The following PROCR variants were observed in gnomAD, a reference collection of about 807,000 sequenced individuals.
PROCR encodes endothelial protein C receptor.
In PROCR, 22 loss-of-function variants were observed where a neutral mutation model predicts 24.2. The ratio of observed to expected loss-of-function variants is 0.91; its 90% CI spans 0.65 to 1.30. PROCR has a LOEUF of 1.30. Among genes scored for constraint, PROCR ranks in the 50% most tolerant of loss-of-function variants. PROCR has a pLI of 0.00. For synonymous variants in PROCR, 137 were observed against 139.2 expected, an observed-to-expected ratio of 0.98 and a Z score of 0.11; for missense variants, 288 against 307.7, an observed-to-expected ratio of 0.94 and a Z score of 0.48.
rs2086013547 is a variant in PROCR, at chr20:35,176,112, C to G, written c.323-56C>G. On this transcript the variant is annotated intron_variant, in intron 2 of 3. Transcript: ENST00000216968. Reference sequence around the variant, plus strand: ...GTTCTTTTCCCCTTGGTGGGCCTCGCCCCACACCTGGCACCCTCTCTGCAC... The same window carrying G: ...GTTCTTTTCCCCTTGGTGGGCCTCGGCCCACACCTGGCACCCTCTCTGCAC... The G allele has an allele frequency of 1.1e-5, 17 of 1,569,236 alleles. No homozygotes were observed. The South Asian group carries it at 1.8e-4, about 16-fold the overall frequency.
At chr20:35,195,281 GAAAA>G (rs951831483) in intron 1 of PROCR, 1 of 152,058 alleles carries the variant, frequency 6.6e-6, no homozygotes, top group African/African-American at 2.4e-5. Context: ...AGATCATAGA[GAAAA>G]AAATATTTTA....
upstream of PROCR, chr20:35,172,050 C>T: frequency 9.8e-7 from 1 of 1,024,858 alleles, no homozygotes; most frequent in South Asian, 1.3e-5. Context: ...TGCCCAGACT[C>T]CGCCCCTCCC....
chr20:35,175,513 C>T lies in PROCR; in HGVS notation c.322+560C>T, dbSNP rs180687177. 1.4e-3 allele frequency among the ~76,000 whole-genome samples: 217 copies of T among 151,330 alleles called. 1 individual carries two copies. Among genetic ancestry groups the T allele is most frequent in the Non-Finnish European group, 2.4e-3 (164 of 67,770 alleles). ...TTTCTCAAAGCACCAAGCACCACTC[C>T]GTCCCCCTTCCCCCACCATCATGGC... On this transcript the variant is annotated intron_variant, in intron 2 of 3. Coordinates refer to ENST00000216968, the MANE Select transcript of PROCR (RefSeq NM_006404.5).
intron 1 of PROCR, among the ~76,000 whole-genome samples, chr20:35,198,319 G>A (rs1003748458): frequency 2.0e-5 from 3 of 151,844 alleles, no homozygotes; most frequent in Admixed American, 2.0e-4. Flanking sequence ...GTGCTACTCC[G>A]GTGAACACAT....
At chr20:35,173,113 C>T (rs2085966070) in intron 1 of PROCR, among the ~76,000 whole-genome samples, 1 of 152,160 alleles carries the variant, frequency 6.6e-6, no homozygotes, top group Non-Finnish European at 1.5e-5. Flanking sequence ...ACAGACAGGA[C>T]CCACTCACAC....
chr20:35,174,986 G>T (rs2085995809), intron 2 of PROCR, 33 bp downstream of exon 2: 1 of 1,450,414 alleles, frequency 6.9e-7, no homozygotes, highest in Non-Finnish European at 9.1e-7. Flanking sequence ...CGGGGTCTGG[G>T]CGGGGCTAGT....
downstream of PROCR, among the ~76,000 whole-genome samples, chr20:35,182,026 T>A (rs2086083142): frequency 6.6e-6 from 1 of 152,226 alleles, no homozygotes; most frequent in Admixed American, 6.5e-5. Context: ...TTTACATCAT[T>A]TGTTCAAGAG....
rs1219210336 is a variant in PROCR, at chr20:35,174,751, T to G, written c.120T>G (p.Tyr40Ter). 1 of 1,613,958 alleles carries G rather than the reference T, an allele frequency of 6.2e-7. No homozygotes were observed. Among genetic ancestry groups the G allele is most frequent in the Non-Finnish European group, 8.5e-7 (1 of 1,179,956 alleles). ...MLQISYFRDP[Y>*]HVWYQGNASL... ...AGATCTCCTACTTCCGCGACCCCTA[T>G]CACGTGTGGTACCAGGGCAACGCGT... Residue 40 changes from tyrosine (Y) to a stop codon, truncating the protein, a stop_gained, in exon 2 of 4, where the codon TAT (tyrosine) becomes TAG (stop). Coordinates refer to ENST00000216968, the MANE Select transcript of PROCR (RefSeq NM_006404.5). LOFTEE classifies it high-confidence loss of function.
rs933145874 is a variant in PROCR at position 35,174,970 on chromosome 20, C to A, written c.322+17C>A. 29 of 199,380 alleles carry A rather than the reference C, an allele frequency of 1.5e-4. No homozygotes were observed. The highest frequency in any genetic ancestry group is 2.2e-4 in the Non-Finnish European group (29 of 133,568). The allele number at this position is 199,380 out of a possible 1,614,324, so 12.4% of individuals were successfully genotyped here. ...CCTTGGCCTGTGAGTAGGCGCGCAGCGGGGGCGGGGTCTGGGCGGGGCTAG... is the reference window on the plus strand; with the variant it reads ...CCTTGGCCTGTGAGTAGGCGCGCAGAGGGGGCGGGGTCTGGGCGGGGCTAG... On this transcript the variant is annotated intron_variant, in intron 2 of 3. Transcript: ENST00000216968.
At chr20:35,200,111 A>G (rs1380956650) in intron 1 of PROCR, among the ~76,000 whole-genome samples, 1 of 152,208 alleles carries the variant, frequency 6.6e-6, no homozygotes, top group Non-Finnish European at 1.5e-5. Flanking sequence ...CTGGATAAAC[A>G]AAGAAAGTGG....
At position 35,189,976 on chromosome 20, in the gene PROCR, G is replaced by A. The variant is rs573874521; in HGVS notation, c.94+13530G>A. 2.0e-5 allele frequency among the ~76,000 whole-genome samples: 3 copies of A among 152,158 alleles called. No homozygotes were observed. In the South Asian group the frequency reaches 6.2e-4, roughly 32 times the overall value. The stretch of plus-strand genomic sequence containing the variant: ...ATCCCTCGCCTTTTTGTACAATTTT[G>A]TAGTCACAGAAACATTTTATCCTAT... On this transcript the variant is annotated intron_variant, in intron 1 of 1. Coordinates refer to the PROCR transcript ENST00000634509.
At chr20:35,173,546 C>T (rs2085973133) in intron 1 of PROCR, among the ~76,000 whole-genome samples, 1 of 150,388 alleles carries the variant, frequency 6.6e-6, no homozygotes, top group Non-Finnish European at 1.5e-5. Context: ...TCTCCTGCCT[C>T]AGCCTCCTGA....
chr20:35,192,025 A>G (rs891870096), intron 1 of PROCR, among the ~76,000 whole-genome samples: 3 of 152,182 alleles, frequency 2.0e-5, no homozygotes, highest in African/African-American at 7.2e-5. Context: ...TGATACCACT[A>G]CTTACCCATT....
At chr20:35,203,259 A>G (rs1468372391) in intron 1 of PROCR, 1 of 151,984 alleles carries the variant, frequency 6.6e-6, no homozygotes, top group Non-Finnish European at 1.5e-5. Flanking sequence ...CTCTGGCTAT[A>G]CCAAAATTAA....
intron 2 of PROCR, among the ~76,000 whole-genome samples, chr20:35,175,874 C>T (rs1340033632): frequency 6.6e-6 from 1 of 151,282 alleles, no homozygotes; most frequent in Non-Finnish European, 1.5e-5. Context: ...CGTGAGCTGC[C>T]GCCCCTGCCC....
chr20:35,209,442 T>C (rs1420450470), intron 1 of PROCR, among the ~76,000 whole-genome samples: 1 of 151,874 alleles, frequency 6.6e-6, no homozygotes, highest in African/African-American at 2.4e-5. Flanking sequence ...GATTCAGGAG[T>C]TTGGGAGCAA....
Position 35,174,922 on chromosome 20 carries a change from G to C in PROCR, c.291G>C (p.Val97=). The C allele has an allele frequency of 6.3e-7, 1 of 1,594,982 alleles. No homozygotes were observed. Among genetic ancestry groups the C allele is most frequent in the Non-Finnish European group, 8.5e-7 (1 of 1,171,278 alleles). ...ACCTGCTCCAGTTCCACGGCCTCGT[G>C]CGCCTGGTGCACCAGGAGCGGACCT... The part of the protein sequence containing the change: ...QSYLLQFHGL[V]RLVHQERTLA... The change falls in exon 2 of 4, where the codon GTG becomes GTC. Residue 97 remains valine, a synonymous_variant. Transcript: ENST00000216968.
chr20:35,199,415 C>T (rs1263373888), intron 1 of PROCR, among the ~76,000 whole-genome samples: 1 of 152,122 alleles, frequency 6.6e-6, no homozygotes, highest in East Asian at 1.9e-4. Context: ...ATTCATTCTG[C>T]AGTCCATGGA....
intron 1 of PROCR, among the ~76,000 whole-genome samples, chr20:35,191,208 T>C (rs1300498608): frequency 2.0e-5 from 3 of 152,204 alleles, no homozygotes. Flanking sequence ...GGGTTCCTTA[T>C]TTGATGTGGC....
Sources: allele counts gnomAD v4.1 joint callset (sites outside exome capture counted in the v4.1 genomes callset), GRCh38; gene constraint gnomAD v4.1.1; transcripts MANE v1.5; gene names NCBI Gene and HGNC (gene_info 2026-07-23, HGNC 2026-07-21).